Variants in NHSL2 observed in about 807,000 individuals in gnomAD.
The protein encoded by NHSL2 is NHS-like protein 2.
Under a neutral mutation model 53.4 loss-of-function variants are expected in NHSL2, and 27 were observed. That is an observed-to-expected ratio of 0.51 (90% CI 0.37 to 0.70). The LOEUF (loss-of-function observed/expected upper bound fraction) is 0.70, where lower values mean the gene tolerates loss of function less well. NHSL2 is among the 30% of genes least tolerant of loss of function. NHSL2 has a pLI of 0.00. For missense variants in NHSL2, 892 were observed against 980.1 expected (o/e 0.91, Z 1.20); for synonymous variants, 408 against 404.1 (o/e 1.01, Z -0.12).
At chrX:72,039,459 T>A (rs1247214981) in intron 1 of NHSL2, among the ~76,000 whole-genome samples, 1 of 111,799 alleles carries the variant, frequency 8.9e-6, no homozygotes, top group African/African-American at 3.3e-5. Context: ...ATCAAATGCC[T>A]CTTGAAGCAT....
intron 2 of NHSL2, among the ~76,000 whole-genome samples, chrX:72,132,717 A>G (rs1379319659): frequency 9.0e-6 from 1 of 111,506 alleles, no homozygotes; most frequent in Non-Finnish European, 1.9e-5. Context: ...CCCAATACAC[A>G]GCACCCAGAG....
intron 1 of NHSL2, among the ~76,000 whole-genome samples, chrX:72,088,047 A>G (rs760073551): frequency 1.8e-5 from 2 of 110,912 alleles, no homozygotes; most frequent in African/African-American, 6.6e-5. Flanking sequence ...CCTGACCAAC[A>G]TGGAGAAACC....
In NHSL2 at chrX:72,003,648, T is replaced by C. The variant is rs189573051; in HGVS notation, c.280+92281T>C. ...GCCCATATCTTAAGAGATGGATCTA[T>C]GTCCATAACACCCTGAATGCTCCCA... On this transcript the variant is annotated intron_variant, in intron 1 of 7. Coordinates refer to ENST00000633930, the MANE Select transcript of NHSL2 (RefSeq NM_001013627.3). Among the ~76,000 whole-genome samples the C allele has an allele frequency of 2.9e-4, 33 of 112,138 alleles. No individual in the cohort carries two copies. The East Asian group carries it at 8.9e-3, about 30-fold the overall frequency.
At chrX:72,116,029 T>C (rs2042136207) in intron 1 of NHSL2, among the ~76,000 whole-genome samples, 2 of 111,295 alleles carry the variant, frequency 1.8e-5, no homozygotes, top group Admixed American at 1.9e-4. Flanking sequence ...TGAGACCCCC[T>C]AGAGGAGTTA....
intron 1 of NHSL2, among the ~76,000 whole-genome samples, chrX:71,974,828 TA>T (rs2041941318): frequency 8.9e-6 from 1 of 112,063 alleles, no homozygotes; most frequent in African/African-American, 3.2e-5. Context: ...ACTCCTACCT[TA>T]ATGGAAAGTG....
intron 1 of NHSL2, among the ~76,000 whole-genome samples, chrX:72,123,434 G>A (rs376796939): frequency 8.9e-6 from 1 of 111,736 alleles, no homozygotes; most frequent in Non-Finnish European, 1.9e-5. Context: ...AAAGGCCCAC[G>A]GCCCCCACCC....
At chrX:72,124,508 C>G (rs929672362) in intron 1 of NHSL2, among the ~76,000 whole-genome samples, 2 of 112,001 alleles carry the variant, frequency 1.8e-5, no homozygotes, top group Admixed American at 1.9e-4. Flanking sequence ...TTAAATGTCA[C>G]ACGGGCTAGT....
chrX:71,913,615 A>C (rs1441083908), intron 1 of NHSL2, among the ~76,000 whole-genome samples: 1 of 112,236 alleles, frequency 8.9e-6, no homozygotes, highest in Non-Finnish European at 1.9e-5. Flanking sequence ...TTGCCCTCAG[A>C]TTCTTCCTCT....
At chrX:71,947,208 C>T (rs2041796597) in intron 1 of NHSL2, among the ~76,000 whole-genome samples, 1 of 111,465 alleles carries the variant, frequency 9.0e-6, no homozygotes. Flanking sequence ...AACCTGTTCA[C>T]ACTCCAGGAG....
At chrX:71,935,921 A>G (rs1164416123) in intron 1 of NHSL2, among the ~76,000 whole-genome samples, 3 of 111,961 alleles carry the variant, frequency 2.7e-5, no homozygotes, top group Non-Finnish European at 5.6e-5. Flanking sequence ...CTGCCTGGAA[A>G]AAGGAAAAAT....
intron 1 of NHSL2, among the ~76,000 whole-genome samples, chrX:72,068,412 C>T (rs762581353): frequency 8.9e-6 from 1 of 112,552 alleles, no homozygotes; most frequent in Non-Finnish European, 1.9e-5. Flanking sequence ...TACAGACAGG[C>T]CCCCTGTCCC....
At chrX:71,970,538 T>A (rs762288666) in intron 1 of NHSL2, among the ~76,000 whole-genome samples, 1 of 111,446 alleles carries the variant, frequency 9.0e-6, no homozygotes, top group East Asian at 2.8e-4. Flanking sequence ...AGTATTTGTT[T>A]ATTTCTCTTT....
At chrX:72,083,953 C>A (rs1204487468) in intron 1 of NHSL2, among the ~76,000 whole-genome samples, 1 of 112,050 alleles carries the variant, frequency 8.9e-6, no homozygotes, top group Non-Finnish European at 1.9e-5. Flanking sequence ...TGCCTTCCAG[C>A]ATGTTGCATC....
intron 1 of NHSL2, among the ~76,000 whole-genome samples, chrX:71,972,769 T>TAATAA (rs2041930958): frequency 1.8e-5 from 2 of 111,708 alleles, no homozygotes; most frequent in East Asian, 5.6e-4. Flanking sequence ...AATATGTTGG[T>TAATAA]GCACTTAATG....
chrX:72,070,930 A>G (rs1399854370), intron 1 of NHSL2, among the ~76,000 whole-genome samples: 1 of 111,641 alleles, frequency 9.0e-6, no homozygotes, highest in African/African-American at 3.3e-5. Context: ...GTCTTGCCAA[A>G]AGTGTGCCAT....
chrX:71,983,149 T>C (rs987451467), intron 1 of NHSL2, among the ~76,000 whole-genome samples: 1 of 111,810 alleles, frequency 8.9e-6, no homozygotes, highest in Admixed American at 9.5e-5. Context: ...TGATTGTTGT[T>C]GTGGTGTGAG....
chrX:72,043,386 T>C (rs974549568), intron 1 of NHSL2, among the ~76,000 whole-genome samples: 5 of 111,455 alleles, frequency 4.5e-5, no homozygotes, highest in Non-Finnish European at 7.5e-5. Context: ...ATTGAGAATG[T>C]CCTGTGTTGC....
intron 1 of NHSL2, among the ~76,000 whole-genome samples, chrX:72,061,037 C>T (rs2042396596): frequency 8.9e-6 from 1 of 112,138 alleles, no homozygotes; most frequent in African/African-American, 3.2e-5. Flanking sequence ...CATCACTACC[C>T]TCCTCCTGAC....
chrX:72,077,211 G>A (rs2041751609), intron 1 of NHSL2, among the ~76,000 whole-genome samples: 1 of 110,534 alleles, frequency 9.0e-6, no homozygotes, highest in South Asian at 3.9e-4. Flanking sequence ...GGCTTTGGGG[G>A]TTTCTAGCTT....
Sources: gnomAD v4.1 joint callset for allele counts (sites outside exome capture counted in the v4.1 genomes callset) on GRCh38, gnomAD v4.1.1 for gene constraint, MANE v1.5 for transcripts, NCBI Gene and HGNC (gene_info 2026-07-23, HGNC 2026-07-21) for gene names.